Variants in NFATC2 observed in about 807,000 individuals in gnomAD.
The protein encoded by NFATC2 is nuclear factor of activated T cells 2.
NFATC2 carries 22 observed loss-of-function variants against 87.3 expected under a neutral mutation model. That is an observed-to-expected ratio of 0.25 (90% confidence interval 0.18 to 0.36). The LOEUF (loss-of-function observed/expected upper bound fraction) is 0.36. NFATC2 is among the 10% of genes least tolerant of loss of function. The pLI is 1.00. For synonymous variants in NFATC2, 565 were observed against 542.2 expected (o/e 1.04, Z -0.58); for missense variants, 1,149 against 1,259.1 (o/e 0.91, Z 1.32).
intron 1 of NFATC2, among the ~76,000 whole-genome samples, chr20:51,538,027 G>A (rs1372702684): frequency 6.6e-6 from 1 of 152,192 alleles, no homozygotes; most frequent in African/African-American, 2.4e-5. Context: ...GAAGCACCAG[G>A]TCCAGGCGGC....
At chr20:51,439,401 C>T (rs1339101094) in intron 6 of NFATC2, among the ~76,000 whole-genome samples, 1 of 152,220 alleles carries the variant, frequency 6.6e-6, no homozygotes, top group Admixed American at 6.5e-5. Context: ...GATTGGAACC[C>T]AGGCAGCCTG....
intron 1 of NFATC2, among the ~76,000 whole-genome samples, chr20:51,525,210 ACT>A (rs957704627): frequency 1.8e-4 from 27 of 152,084 alleles, no homozygotes; most frequent in African/African-American, 6.3e-4. Flanking sequence ...ATAGAGTGAG[ACT>A]CTGTCTCAAA....
intron 2 of NFATC2, among the ~76,000 whole-genome samples, chr20:51,521,252 C>A (rs931573545): frequency 2.0e-5 from 3 of 152,366 alleles, no homozygotes; most frequent in African/African-American, 7.2e-5. Flanking sequence ...GCGGGCAGGG[C>A]CCGAGGCCAC....
intron 6 of NFATC2, among the ~76,000 whole-genome samples, chr20:51,447,708 G>A (rs1189905984): frequency 6.6e-6 from 1 of 152,236 alleles, no homozygotes; most frequent in Non-Finnish European, 1.5e-5. Context: ...GGACTTCCCA[G>A]CGTGAACTTT....
At chr20:51,400,124 C>T (rs967157747) in intron 9 of NFATC2, among the ~76,000 whole-genome samples, 2 of 152,174 alleles carry the variant, frequency 1.3e-5, no homozygotes, top group African/African-American at 4.8e-5. Flanking sequence ...GGATTTACCC[C>T]AGGTAGCCAG....
chr20:51,467,283 A>T (rs1987780629), intron 5 of NFATC2, among the ~76,000 whole-genome samples: 1 of 152,022 alleles, frequency 6.6e-6, no homozygotes, highest in Admixed American at 6.6e-5. Context: ...TAGGCCAGAC[A>T]TGGTGGCTCA....
chr20:51,416,205 C>G (rs530007340), intron 9 of NFATC2, among the ~76,000 whole-genome samples: 1 of 151,746 alleles, frequency 6.6e-6, no homozygotes, highest in African/African-American at 2.4e-5. Flanking sequence ...GAGGTTGCAG[C>G]GAACCGAGAT....
chr20:51,460,716 G>A lies in NFATC2; in HGVS notation c.1709-6028C>T, dbSNP rs57104272. On this transcript the variant is annotated intron_variant, in intron 5 of 10. Transcript: ENST00000371564. ...TCAAACACCTGAGCTCAGGCGATCC[G>A]CACGCCTCGCCCTCCCAAAGTGCTG... 7.3e-3 allele frequency among the ~76,000 whole-genome samples: 1,104 copies of A among 151,344 alleles called. 18 individuals are homozygous for A. Among genetic ancestry groups the A allele is most frequent in the African/African-American group, 0.025 (1,029 of 41,180 alleles).
chr20:51,458,642 CAA>C (rs546708576), intron 5 of NFATC2, among the ~76,000 whole-genome samples: 55 of 127,622 alleles, frequency 4.3e-4, no homozygotes, highest in Admixed American at 8.8e-4. Flanking sequence ...ACTAAAACTC[CAA>C]AAAAAAAAAA....
chr20:51,534,629 G>A (rs1009393286), intron 1 of NFATC2, among the ~76,000 whole-genome samples: 17 of 152,214 alleles, frequency 1.1e-4, no homozygotes, highest in Admixed American at 3.3e-4. Flanking sequence ...CACTGAGCCC[G>A]GCCTTCATTA....
At chr20:51,514,903 A>C (rs1401934762) in intron 3 of NFATC2, among the ~76,000 whole-genome samples, 1 of 152,088 alleles carries the variant, frequency 6.6e-6, no homozygotes, top group African/African-American at 2.4e-5. Flanking sequence ...ACATAAGGCA[A>C]TTGCTCTCAG....
At chr20:51,445,430 C>T (rs1984935905) in intron 6 of NFATC2, among the ~76,000 whole-genome samples, 1 of 152,180 alleles carries the variant, frequency 6.6e-6, no homozygotes, top group Admixed American at 6.5e-5. Context: ...CTCCTCTATC[C>T]AGAGTTACCA....
intron 1 of NFATC2, among the ~76,000 whole-genome samples, chr20:51,551,081 C>T (rs997771182): frequency 5.9e-5 from 9 of 152,216 alleles, no homozygotes; most frequent in African/African-American, 1.9e-4. Flanking sequence ...CTCCCTTCAA[C>T]GGAAGCATTC....
At chr20:51,447,290 C>T (rs760935459) in intron 6 of NFATC2, among the ~76,000 whole-genome samples, 38 of 152,206 alleles carry the variant, frequency 2.5e-4, no homozygotes, top group Non-Finnish European at 5.1e-4. Flanking sequence ...TGCCATCAGA[C>T]CGTTCCAAGA....
At chr20:51,489,596 C>T (rs1267905588) in intron 3 of NFATC2, among the ~76,000 whole-genome samples, 1 of 152,202 alleles carries the variant, frequency 6.6e-6, no homozygotes, top group Non-Finnish European at 1.5e-5. Context: ...GACAGTAAGA[C>T]AACCATGTCT....
At chr20:51,472,022 G>T (rs1239314155) in intron 5 of NFATC2, among the ~76,000 whole-genome samples, 1 of 152,178 alleles carries the variant, frequency 6.6e-6, no homozygotes, top group African/African-American at 2.4e-5. Flanking sequence ...GGAGGCTGAG[G>T]TGGGTGGATC....
At chr20:51,427,881 CGCTT>C (rs927964934) in intron 9 of NFATC2, among the ~76,000 whole-genome samples, 13 of 152,224 alleles carry the variant, frequency 8.5e-5, no homozygotes, top group African/African-American at 3.1e-4. Context: ...GTCTGAATTT[CGCTT>C]GCTTACTTAC....
intron 3 of NFATC2, among the ~76,000 whole-genome samples, chr20:51,482,938 C>A (rs751618280): frequency 1.8e-4 from 27 of 152,194 alleles, no homozygotes; most frequent in Non-Finnish European, 3.2e-4. Flanking sequence ...AGGGTTCGGA[C>A]TAGCCCAAGG....
At chr20:51,551,794 A>G (rs188957251) in intron 1 of NFATC2, among the ~76,000 whole-genome samples, 15 of 152,168 alleles carry the variant, frequency 9.9e-5, no homozygotes, top group South Asian at 2.1e-4. Flanking sequence ...TTGGGAGGCC[A>G]AGGTGGGCGG....
Sources: gnomAD v4.1 joint callset for allele counts (sites outside exome capture counted in the v4.1 genomes callset) on GRCh38, gnomAD v4.1.1 for gene constraint, MANE v1.5 for transcripts, NCBI Gene and HGNC (gene_info 2026-07-23, HGNC 2026-07-21) for gene names.